The following GOLM1 variants were observed in gnomAD, a reference collection of about 807,000 sequenced individuals.
The protein encoded by GOLM1 is epididymis luminal protein 46.
GOLM1 carries 31 observed loss-of-function variants against 50.5 expected under a neutral mutation model. That is an observed-to-expected ratio of 0.61 (90% CI 0.46 to 0.83). The LOEUF is 0.83. Among genes scored for constraint, GOLM1 ranks in the 40% least tolerant of loss-of-function variants. The pLI is 0.00. For synonymous variants in GOLM1, 178 were observed against 192.8 expected, an observed-to-expected ratio of 0.92 and a Z score of 0.64; for missense variants, 491 against 501.3, an observed-to-expected ratio of 0.98 and a Z score of 0.20.
chr9:86,054,337 G>A (rs551852599), intron 3 of GOLM1, among the ~76,000 whole-genome samples: 237 of 150,062 alleles, frequency 1.6e-3, no homozygotes, highest in Non-Finnish European at 2.5e-3. Flanking sequence ...CGCGATCTCC[G>A]GTTCACTGCA....
At chr9:86,079,449 G>T in intron 1 of GOLM1, 108 bp from the exon 2 acceptor site, 1 of 858,084 alleles carries the variant, frequency 1.2e-6, no homozygotes, top group Non-Finnish European at 1.7e-6. Flanking sequence ...CAAGAAGCGT[G>T]GGCTGGTAGC....
At chr9:86,046,153 G>A (rs1049642052) in intron 5 of GOLM1, among the ~76,000 whole-genome samples, 4 of 152,128 alleles carry the variant, frequency 2.6e-5, no homozygotes, top group African/African-American at 9.7e-5. Context: ...TTTAGTCAAC[G>A]AATTTGATTT....
At chr9:86,068,131 G>A (rs1186887924) in intron 3 of GOLM1, among the ~76,000 whole-genome samples, 1 of 152,186 alleles carries the variant, frequency 6.6e-6, no homozygotes, top group Non-Finnish European at 1.5e-5. Context: ...TATAAGAGGA[G>A]GAGAAGAGGC....
intron 4 of GOLM1, among the ~76,000 whole-genome samples, chr9:86,047,478 G>A (rs1379145104): frequency 4.6e-5 from 7 of 152,146 alleles, no homozygotes; most frequent in Non-Finnish European, 2.9e-5. Flanking sequence ...ACACCCTCAA[G>A]AGACAAAGCT....
At chr9:86,070,835 A>G (rs1414643291) in intron 3 of GOLM1, among the ~76,000 whole-genome samples, 2 of 152,126 alleles carry the variant, frequency 1.3e-5, no homozygotes, top group Non-Finnish European at 2.9e-5. Context: ...AAAGAGTGAA[A>G]TATTACACAC....
intron 4 of GOLM1, among the ~76,000 whole-genome samples, chr9:86,050,602 T>C (rs1015882211): frequency 1.3e-5 from 2 of 152,222 alleles, no homozygotes; most frequent in African/African-American, 4.8e-5. Flanking sequence ...AGGGTGTATG[T>C]GTCCAGGAAT....
At chr9:86,035,842 G>A (rs574601668) in intron 7 of GOLM1, among the ~76,000 whole-genome samples, 15 of 125,402 alleles carry the variant, frequency 1.2e-4, no homozygotes, top group African/African-American at 2.1e-4. Context: ...CGTCAGAACC[G>A]CGACAAAGGG....
At chr9:86,061,916 C>G (rs1396863822) in intron 3 of GOLM1, among the ~76,000 whole-genome samples, 3 of 152,132 alleles carry the variant, frequency 2.0e-5, no homozygotes, top group Non-Finnish European at 2.9e-5. Context: ...GCAGGGGACC[C>G]AGATGGGCAG....
chr9:86,079,193 T>C lies in GOLM1; in HGVS notation c.128A>G (p.Gln43Arg). ...ATAACAATAAAGAAAACAAAACACC[T>C]GGAGGTCCACGCTCCGGGAGCTCGC... Reference protein sequence around the residue: ...WIASSRSVDLQTRIMELEGRV... With the variant: ...WIASSRSVDLRTRIMELEGRV... The change falls in exon 2 of 10, where the codon CAG becomes CGG. Residue 43 changes from glutamine to arginine, a missense_variant and splice_region_variant. Transcript: ENST00000388712. 6.4e-7 allele frequency: 1 copy of C among 1,562,722 alleles called. No homozygotes were observed. Among genetic ancestry groups the C allele is most frequent in the Non-Finnish European group, 8.7e-7 (1 of 1,155,896 alleles).
intron 9 of GOLM1, among the ~76,000 whole-genome samples, chr9:86,032,293 G>A (rs7874889): frequency 2.4e-4 from 36 of 152,036 alleles, no homozygotes; most frequent in Admixed American, 7.2e-4. Context: ...TCAGCCTCCC[G>A]AGTAGCTGGG....
intron 1 of GOLM1, among the ~76,000 whole-genome samples, chr9:86,086,773 C>A (rs1254203654): frequency 6.6e-6 from 1 of 152,098 alleles, no homozygotes; most frequent in Non-Finnish European, 1.5e-5. Flanking sequence ...AGATGTGTGG[C>A]ATTCTTTCTG....
intron 1 of GOLM1, among the ~76,000 whole-genome samples, chr9:86,090,874 G>A (rs996038451): frequency 6.6e-6 from 1 of 151,428 alleles, no homozygotes; most frequent in South Asian, 2.1e-4. Flanking sequence ...TTGAAACCCA[G>A]GGCCCTGGTG....
chr9:86,031,829 C>T (rs1832992928), intron 9 of GOLM1, among the ~76,000 whole-genome samples: 1 of 147,954 alleles, frequency 6.8e-6, no homozygotes, highest in African/African-American at 2.5e-5. Flanking sequence ...AGGCATTGAC[C>T]ATCAACTGGC....
intron 3 of GOLM1, among the ~76,000 whole-genome samples, chr9:86,070,111 C>T (rs1042753361): frequency 2.0e-5 from 3 of 151,960 alleles, no homozygotes; most frequent in Non-Finnish European, 4.4e-5. Flanking sequence ...TCTGGATCTC[C>T]TGACCTCATG....
chr9:86,064,077 G>A (rs147659849), intron 3 of GOLM1, among the ~76,000 whole-genome samples: 497 of 152,326 alleles, frequency 3.3e-3, no homozygotes, highest in African/African-American at 0.011. Context: ...GCCCCTCCCT[G>A]GAGGTGGGAG....
chr9:86,046,396 A>C, intron 5 of GOLM1, 74 bp downstream of exon 5: 1 of 860,006 alleles, frequency 1.2e-6, no homozygotes, highest in Non-Finnish European at 2.0e-6. Flanking sequence ...ATCGGAGGTT[A>C]CATCTCAGCT....
In GOLM1 at chr9:86,035,887, A is replaced by C. The variant is rs545815490; in HGVS notation, c.758-262T>G. Among the ~76,000 whole-genome samples, 146 of 148,876 alleles carry C rather than the reference A, an allele frequency of 9.8e-4. 2 individuals carry two copies. Among genetic ancestry groups the C allele is most frequent in the South Asian group, 3.6e-3 (17 of 4,726 alleles). On this transcript the variant is annotated intron_variant, in intron 7 of 9. Coordinates refer to ENST00000388712, the MANE Select transcript of GOLM1 (RefSeq NM_016548.4). ...TTACCAAAAAAAAAAACAAAACAAA[A>C]AAAAAAAAACACCTGGACTAAATTA... is the stretch of plus-strand genomic sequence containing the variant.
At chr9:86,045,743 A>T (rs150330520) in intron 5 of GOLM1, among the ~76,000 whole-genome samples, 2 of 152,070 alleles carry the variant, frequency 1.3e-5, no homozygotes, top group Non-Finnish European at 2.9e-5. Context: ...AAAAATGATT[A>T]AATTTTTTTG....
chr9:86,055,019 G>A (rs1247222140), intron 3 of GOLM1, among the ~76,000 whole-genome samples: 6 of 152,126 alleles, frequency 3.9e-5, no homozygotes, highest in Non-Finnish European at 7.4e-5. Flanking sequence ...TTCCTCCTCT[G>A]GGACCTTTCT....
Sources: gnomAD v4.1 joint callset for allele counts (sites outside exome capture counted in the v4.1 genomes callset) on GRCh38, gnomAD v4.1.1 for gene constraint, MANE v1.5 for transcripts, NCBI Gene and HGNC (gene_info 2026-07-23, HGNC 2026-07-21) for gene names.